Variants in ANGPT1 observed in about 807,000 individuals in gnomAD.
ANGPT1 encodes the protein angiopoietin-1.
ANGPT1 carries 17 observed loss-of-function variants against 62.2 expected under a neutral mutation model. The ratio of observed to expected loss-of-function variants is 0.27; its 90% CI spans 0.19 to 0.41. The LOEUF (loss-of-function observed/expected upper bound fraction) is 0.41, where lower values mean the gene tolerates loss of function less well. Among genes scored for constraint, ANGPT1 ranks in the 10% least tolerant of loss-of-function variants. The pLI, the probability that ANGPT1 is intolerant of heterozygous loss-of-function variation, is 1.00. For synonymous variants in ANGPT1, 199 were observed against 198.9 expected (o/e 1.00, Z 0.00); for missense variants, 478 against 594.9 (o/e 0.80, Z 2.04).
chr8:107,489,430 T>C lies in ANGPT1; in HGVS notation c.297+7832A>G, dbSNP rs1586365669. On this transcript the variant is annotated intron_variant, in intron 1 of 8. Transcript: ENST00000517746. ...ACAAGTAACAACAGTTATCTTACTC[T>C]ATATTTTTCAGTACTTACTGACAAA... Among the ~76,000 whole-genome samples the C allele has an allele frequency of 3.3e-5, 5 of 152,312 alleles. No individual in the cohort carries two copies. The East Asian group carries it at 9.7e-4, about 29-fold the overall frequency.
At chr8:107,264,480 A>C in intron 7 of ANGPT1, 129 bp from the exon 8 acceptor site, 2 of 1,146,726 alleles carry the variant, frequency 1.7e-6, no homozygotes, top group Non-Finnish European at 2.4e-6. Flanking sequence ...CTTCCAACAA[A>C]CCTCTAGGAG....
intron 4 of ANGPT1, among the ~76,000 whole-genome samples, chr8:107,318,758 C>T (rs1264871673): frequency 1.3e-5 from 2 of 151,930 alleles, no homozygotes; most frequent in Admixed American, 1.3e-4. Flanking sequence ...TGTTTTGGTA[C>T]ATGTATACAC....
At chr8:107,312,233 C>A (rs998290740) in intron 4 of ANGPT1, among the ~76,000 whole-genome samples, 1 of 152,192 alleles carries the variant, frequency 6.6e-6, no homozygotes, top group African/African-American at 2.4e-5. Context: ...ACGGCCCTTG[C>A]CATTTGTTCA....
At chr8:107,270,705 A>G (rs1230458756) in intron 7 of ANGPT1, among the ~76,000 whole-genome samples, 2 of 152,080 alleles carry the variant, frequency 1.3e-5, no homozygotes, top group Non-Finnish European at 2.9e-5. Flanking sequence ...ACTTATTTGC[A>G]ATAGCCTATC....
At chr8:107,350,682 C>T (rs981148050) in intron 1 of ANGPT1, among the ~76,000 whole-genome samples, 1 of 152,118 alleles carries the variant, frequency 6.6e-6, no homozygotes, top group South Asian at 2.1e-4. Flanking sequence ...TGATGAGTAG[C>T]ATGAATATAG....
At chr8:107,386,205 C>G (rs1367451076) in intron 1 of ANGPT1, among the ~76,000 whole-genome samples, 1 of 151,732 alleles carries the variant, frequency 6.6e-6, no homozygotes. Flanking sequence ...TACATGTGGA[C>G]AAAAAGAAGG....
intron 1 of ANGPT1, among the ~76,000 whole-genome samples, chr8:107,388,810 T>C (rs1433422782): frequency 1.3e-5 from 2 of 152,154 alleles, no homozygotes; most frequent in Non-Finnish European, 2.9e-5. Flanking sequence ...TAAAAACTCT[T>C]TCTGCAATGT....
In ANGPT1 at chr8:107,493,132, A is replaced by G. The variant is rs192214448; in HGVS notation, c.297+4130T>C. Reference sequence around the variant, plus strand: ...CTTGATTTCTTAAAAACTGATTATTACAATAACAAAAAATTAATCCAGACC... The same window carrying G: ...CTTGATTTCTTAAAAACTGATTATTGCAATAACAAAAAATTAATCCAGACC... On this transcript the variant is annotated intron_variant, in intron 1 of 8. Transcript: ENST00000517746. Among the ~76,000 whole-genome samples, 3 of 150,746 alleles carry G rather than the reference A, an allele frequency of 2.0e-5. 1 individual carries two copies. The East Asian group carries it at 5.9e-4, about 30-fold the overall frequency.
intron 1 of ANGPT1, among the ~76,000 whole-genome samples, chr8:107,476,260 A>C (rs1469344382): frequency 2.0e-5 from 3 of 152,208 alleles, no homozygotes; most frequent in Non-Finnish European, 4.4e-5. Flanking sequence ...CAGCCATAAA[A>C]AAGGATGAGT....
chr8:107,286,782 T>A (rs1436898777), intron 6 of ANGPT1, among the ~76,000 whole-genome samples: 2 of 152,124 alleles, frequency 1.3e-5, no homozygotes, highest in Non-Finnish European at 2.9e-5. Context: ...TACTTCTCTG[T>A]TCCTAAGATG....
intron 1 of ANGPT1, among the ~76,000 whole-genome samples, chr8:107,377,485 C>T (rs975745751): frequency 6.6e-6 from 1 of 152,132 alleles, no homozygotes; most frequent in African/African-American, 2.4e-5. Context: ...CCAAACCTTA[C>T]CTAGGGACTT....
At chr8:107,350,218 C>T (rs1411831382) in intron 1 of ANGPT1, among the ~76,000 whole-genome samples, 2 of 152,236 alleles carry the variant, frequency 1.3e-5, no homozygotes, top group African/African-American at 2.4e-5. Context: ...TCATTTAAAC[C>T]ATCAAATTTA....
At chr8:107,386,235 C>T (rs530971841) in intron 1 of ANGPT1, among the ~76,000 whole-genome samples, 2 of 151,936 alleles carry the variant, frequency 1.3e-5, no homozygotes, top group East Asian at 3.9e-4. Flanking sequence ...ACAAGAGGGC[C>T]CATTTGAGGA....
Position 107,497,304 on chromosome 8 carries a change from A to T in ANGPT1, c.255T>A (p.His85Gln), listed in dbSNP as rs1276102060. Reference sequence around the variant, plus strand: ...TATAATTTTCCATCACATGTTCCAGATGTTGAAGTTTCTGGGAAGAGAAAT... The same window carrying T: ...TATAATTTTCCATCACATGTTCCAGTTGTTGAAGTTTCTGGGAAGAGAAAT... ...EPDFSSQKLQ[H>Q]LEHVMENYTQ... Residue 85 changes from histidine (H) to glutamine (Q), a missense_variant, in exon 1 of 9, where the codon CAT becomes CAA. Coordinates refer to ENST00000517746, the MANE Select transcript of ANGPT1 (RefSeq NM_001146.5). The T allele has an allele frequency of 6.2e-7, 1 of 1,614,184 alleles. No homozygotes were observed. Among genetic ancestry groups the T allele is most frequent in the Admixed American group, 1.7e-5 (1 of 60,030 alleles).
chr8:107,375,635 C>A (rs555126097), intron 1 of ANGPT1, among the ~76,000 whole-genome samples: 1 of 152,054 alleles, frequency 6.6e-6, no homozygotes, highest in Non-Finnish European at 1.5e-5. Context: ...GAAGAGTGGA[C>A]GAGGGACGTT....
chr8:107,476,367 T>C (rs1035091139), intron 1 of ANGPT1, among the ~76,000 whole-genome samples: 3 of 151,942 alleles, frequency 2.0e-5, no homozygotes, highest in Non-Finnish European at 2.9e-5. Flanking sequence ...TTCTCACTCA[T>C]AGGTGGGAAA....
intron 1 of ANGPT1, among the ~76,000 whole-genome samples, chr8:107,462,387 G>T (rs1415731102): frequency 1.3e-5 from 2 of 149,864 alleles, no homozygotes; most frequent in Non-Finnish European, 3.0e-5. Context: ...AGACAATTTG[G>T]TTCAGCCATG....
chr8:107,392,543 A>G (rs1816855435), intron 1 of ANGPT1, among the ~76,000 whole-genome samples: 1 of 152,062 alleles, frequency 6.6e-6, no homozygotes, highest in Non-Finnish European at 1.5e-5. Context: ...TTTGCAGGCA[A>G]TTTTTGTATA....
At position 107,361,398 on chromosome 8, in the gene ANGPT1, A is replaced by G. The variant is rs141237204; in HGVS notation, c.298-14301T>C. On this transcript the variant is annotated intron_variant, in intron 1 of 8. Coordinates refer to ENST00000517746, the MANE Select transcript of ANGPT1 (RefSeq NM_001146.5). ...TTATGCTTAAAGAAAATTTGCAGAT[A>G]TATATATATTTGTATAGAATCTTAA... Among the ~76,000 whole-genome samples, 317 of 149,558 alleles carry G rather than the reference A, an allele frequency of 2.1e-3. 1 individual carries two copies. The highest frequency in any genetic ancestry group is 3.4e-3 in the Non-Finnish European group (232 of 67,502).
Sources: allele counts gnomAD v4.1 joint callset (sites outside exome capture counted in the v4.1 genomes callset), GRCh38; gene constraint gnomAD v4.1.1; transcripts MANE v1.5; gene names NCBI Gene and HGNC (gene_info 2026-07-23, HGNC 2026-07-21).